The following ALK variants were observed in gnomAD, a reference collection of about 807,000 sequenced individuals.
ALK encodes the protein ALK receptor tyrosine kinase.
A neutral mutation model predicts 163.1 loss-of-function variants in ALK; 74 were observed. The ratio of observed to expected loss-of-function variants is 0.45; its 90% CI spans 0.38 to 0.55. The LOEUF (loss-of-function observed/expected upper bound fraction) is 0.55, where lower values mean the gene tolerates loss of function less well. Among genes scored for constraint, ALK ranks in the 20% least tolerant of loss-of-function variants. The pLI is 0.00. For missense variants in ALK, 2,063 were observed against 2,105.3 expected, an observed-to-expected ratio of 0.98 and a Z score of 0.39; for synonymous variants, 960 against 843.2, an observed-to-expected ratio of 1.14 and a Z score of -2.40.
chr2:29,738,685 T>C (rs565930597), intron 1 of ALK, among the ~76,000 whole-genome samples: 1 of 152,156 alleles, frequency 6.6e-6, no homozygotes, highest in African/African-American at 2.4e-5. Flanking sequence ...AGGAGACTTG[T>C]TTACCCTCTA....
rs536064217 is a variant in ALK, at chr2:29,831,528, T to G, written c.667+88465A>C. Among the ~76,000 whole-genome samples, 11 of 152,272 alleles carry G rather than the reference T, an allele frequency of 7.2e-5. No homozygotes were observed. In the East Asian group the frequency reaches 2.1e-3, roughly 30 times the overall value. On this transcript the variant is annotated intron_variant, in intron 1 of 28. Transcript: ENST00000389048. ...TCCTGTTTTTACTGTGTGTGCTGTG[T>G]CCCCTCCTGACCTAGCTCCAACTCT... is the stretch of plus-strand genomic sequence containing the variant.
intron 4 of ALK, among the ~76,000 whole-genome samples, chr2:29,416,473 G>A (rs185324357): frequency 8.1e-4 from 124 of 152,228 alleles, no homozygotes; most frequent in Non-Finnish European, 7.5e-4. Flanking sequence ...CAGGCTTCAG[G>A]GATCTAGTTC....
intron 11 of ALK, among the ~76,000 whole-genome samples, chr2:29,273,048 C>T (rs1240432522): frequency 6.6e-6 from 1 of 152,262 alleles, no homozygotes; most frequent in Non-Finnish European, 1.5e-5. Flanking sequence ...TCTTTCCTTT[C>T]CTTTCCTTCC....
At position 29,678,965 on chromosome 2, in the gene ALK, T is replaced by G. The variant is rs142040008; in HGVS notation, c.952+15885A>C. Among the ~76,000 whole-genome samples, 358 of 151,996 alleles carry G rather than the reference T, an allele frequency of 2.4e-3. 3 individuals are homozygous for G. The highest frequency in any genetic ancestry group is 8.3e-3 in the African/African-American group (344 of 41,552). ...ATCCAGTTGTTCTACTTTTGGGAGT[T>G]ATTGAAATCTCCCACTATAATTGTT... On this transcript the variant is annotated intron_variant, in intron 3 of 28. Transcript: ENST00000389048.
At chr2:29,279,747 A>G (rs1665658443) in intron 9 of ALK, among the ~76,000 whole-genome samples, 1 of 152,234 alleles carries the variant, frequency 6.6e-6, no homozygotes, top group Admixed American at 6.5e-5. Context: ...AGGCTCTCGC[A>G]GTCTCCTGGT....
chr2:29,339,671 G>T (rs1397625784), intron 5 of ALK, among the ~76,000 whole-genome samples: 1 of 152,218 alleles, frequency 6.6e-6, no homozygotes, highest in African/African-American at 2.4e-5. Context: ...CACGGAGGCA[G>T]CTTGAATGAG....
intron 1 of ALK, among the ~76,000 whole-genome samples, chr2:29,824,089 G>C (rs750309728): frequency 3.9e-5 from 6 of 152,216 alleles, no homozygotes; most frequent in Non-Finnish European, 8.8e-5. Context: ...AGGAGCCAAG[G>C]TATAGCTTGG....
At chr2:29,828,628 T>G (rs1350098330) in intron 1 of ALK, among the ~76,000 whole-genome samples, 1 of 152,200 alleles carries the variant, frequency 6.6e-6, no homozygotes, top group Non-Finnish European at 1.5e-5. Flanking sequence ...ATCTCACACC[T>G]GTTAGAATGG....
intron 5 of ALK, among the ~76,000 whole-genome samples, chr2:29,329,659 T>G (rs1667382753): frequency 5.3e-5 from 8 of 152,220 alleles, no homozygotes; most frequent in Admixed American, 5.2e-4. Context: ...CAACTCTGGC[T>G]GCAAATCAAA....
chr2:29,455,774 G>A (rs1019753978), intron 4 of ALK, among the ~76,000 whole-genome samples: 2 of 152,210 alleles, frequency 1.3e-5, no homozygotes, highest in African/African-American at 4.8e-5. Context: ...CTGAAGTTCT[G>A]GGCTGTGCCC....
chr2:29,505,345 TGTG>T (rs1672290517), intron 4 of ALK, among the ~76,000 whole-genome samples: 1 of 152,148 alleles, frequency 6.6e-6, no homozygotes, highest in East Asian at 1.9e-4. Flanking sequence ...CCTGAGTGAA[TGTG>T]CTATCTCAAG....
At chr2:29,529,942 G>A (rs1238317818) in intron 4 of ALK, among the ~76,000 whole-genome samples, 3 of 152,172 alleles carry the variant, frequency 2.0e-5, no homozygotes, top group African/African-American at 7.2e-5. Context: ...GGGTGGCCAG[G>A]TGGACGTTGA....
chr2:29,666,081 T>C (rs923955886), intron 3 of ALK, among the ~76,000 whole-genome samples: 2 of 152,076 alleles, frequency 1.3e-5, no homozygotes, highest in African/African-American at 4.8e-5. Flanking sequence ...CTGAGTAAAA[T>C]TTCATGAGAC....
chr2:29,672,611 A>G (rs972237144), intron 3 of ALK, among the ~76,000 whole-genome samples: 2 of 151,688 alleles, frequency 1.3e-5, no homozygotes, highest in African/African-American at 4.9e-5. Flanking sequence ...AGTCTTTGCT[A>G]TTGTGAATAG....
At chr2:29,775,299 G>C (rs1050365056) in intron 1 of ALK, among the ~76,000 whole-genome samples, 2 of 152,088 alleles carry the variant, frequency 1.3e-5, no homozygotes, top group African/African-American at 4.8e-5. Context: ...TCTTTAACTG[G>C]AAAGTCAGAG....
intron 1 of ALK, among the ~76,000 whole-genome samples, chr2:29,792,477 T>C (rs1462557065): frequency 1.3e-5 from 2 of 152,120 alleles, no homozygotes; most frequent in Non-Finnish European, 2.9e-5. Context: ...AAAAGGCAGA[T>C]AAAGTAAGTG....
chr2:29,269,485 T>C (rs913939446), intron 11 of ALK, among the ~76,000 whole-genome samples: 1 of 152,140 alleles, frequency 6.6e-6, no homozygotes, highest in African/African-American at 2.4e-5. Context: ...CCTCTCTTCC[T>C]GGAGCACAGC....
Position 29,532,018 on chromosome 2 carries a change from C to T in ALK, c.1051G>A (p.Val351Met). Residue 351 changes from valine to methionine, a missense_variant, in exon 4 of 29, where the codon GTG becomes ATG. Physicochemically the swap from Val to Met is conservative, Grantham distance 21. Around this residue, in one of 5 missense-constraint regions of ALK, gnomAD observed 987 missense variants for 939.5 expected, o/e 1.05. Transcript: ENST00000389048. ...SSEHCTLAVS[V>M]HRHLQPSGRY... The stretch of plus-strand genomic sequence containing the variant: ...CCAGAGGGCTGCAGGTGCCTGTGCA[C>T]CGAGACGGCCAGTGTGCAGTGCTCA... 1 of 1,614,130 alleles carries T rather than the reference C, an allele frequency of 6.2e-7. No individual in the cohort carries two copies. Among genetic ancestry groups the T allele is most frequent in the Non-Finnish European group, 8.5e-7 (1 of 1,180,010 alleles).
chr2:29,472,252 GTCC>G (rs1389782136), intron 4 of ALK, among the ~76,000 whole-genome samples: 1 of 152,204 alleles, frequency 6.6e-6, no homozygotes, highest in African/African-American at 2.4e-5. Context: ...ATGATTCCAT[GTCC>G]TCAACTTCAA....
Sources: gnomAD v4.1 joint callset for allele counts (sites outside exome capture counted in the v4.1 genomes callset) on GRCh38, gnomAD v4.1.1 for gene constraint, gnomAD v4.1.1 regional missense constraint, MANE v1.5 for transcripts, NCBI Gene and HGNC (gene_info 2026-07-23, HGNC 2026-07-21) for gene names.